RGS20: variants seen among roughly 807,000 people sequenced by gnomAD.
RGS20 encodes regulator of G protein signaling 20.
RGS20 carries 30 observed loss-of-function variants against 33.6 expected under a neutral mutation model. The ratio of observed to expected loss-of-function variants is 0.89; its 90% confidence interval spans 0.67 to 1.21. The LOEUF is 1.21. Among genes scored for constraint, RGS20 ranks in the 50% most tolerant of loss-of-function variants. RGS20 has a pLI of 0.00. For missense variants in RGS20, 472 were observed against 502.4 expected, an observed-to-expected ratio of 0.94 and a Z score of 0.58; for synonymous variants, 208 against 197.9, an observed-to-expected ratio of 1.05 and a Z score of -0.43.
chr8:53,900,951 C>T (rs567933974), intron 2 of RGS20, among the ~76,000 whole-genome samples: 2 of 152,232 alleles, frequency 1.3e-5, no homozygotes, highest in East Asian at 1.9e-4. Context: ...GGGCTGTTCA[C>T]GTCCTGACCT....
chr8:53,897,792 C>T (rs1812909694), intron 2 of RGS20, among the ~76,000 whole-genome samples: 2 of 152,202 alleles, frequency 1.3e-5, no homozygotes, highest in Non-Finnish European at 1.5e-5. Flanking sequence ...AGGTTAGACT[C>T]AAAGGCTCAA....
intron 5 of RGS20, among the ~76,000 whole-genome samples, chr8:53,955,296 C>T (rs1190261095): frequency 6.6e-6 from 1 of 151,818 alleles, no homozygotes; most frequent in Non-Finnish European, 1.5e-5. Context: ...CTCCATTTGA[C>T]ACTGAACACT....
At chr8:53,870,581 C>T (rs1012091068) in intron 1 of RGS20, among the ~76,000 whole-genome samples, 2 of 152,176 alleles carry the variant, frequency 1.3e-5, no homozygotes, top group Non-Finnish European at 2.9e-5. Context: ...TCATCAGCCT[C>T]ATTTGAAATT....
chr8:53,902,914 C>A (rs1813070037), intron 2 of RGS20, among the ~76,000 whole-genome samples: 1 of 152,114 alleles, frequency 6.6e-6, no homozygotes, highest in Admixed American at 6.5e-5. Context: ...TTAGTAGAGA[C>A]AGGATTTCGC....
intron 1 of RGS20, among the ~76,000 whole-genome samples, chr8:53,874,252 C>G (rs1812142614): frequency 6.6e-6 from 1 of 152,050 alleles, no homozygotes; most frequent in Non-Finnish European, 1.5e-5. Flanking sequence ...TGAAGGATAA[C>G]TTTGGCTTCG....
At chr8:53,935,800 G>C (rs537158003) in intron 2 of RGS20, among the ~76,000 whole-genome samples, 28 of 152,226 alleles carry the variant, frequency 1.8e-4, no homozygotes, top group African/African-American at 6.0e-4. Flanking sequence ...AACAAAAAAA[G>C]AAAATTTCAG....
chr8:53,919,845 CTTATATT>C (rs1187166641), intron 2 of RGS20, among the ~76,000 whole-genome samples: 2 of 151,984 alleles, frequency 1.3e-5, no homozygotes, highest in Non-Finnish European at 2.9e-5. Context: ...ACAGCATTGT[CTTATATT>C]TTATAAATAT....
chr8:53,948,180 TATA>T (rs1256395229), intron 4 of RGS20, among the ~76,000 whole-genome samples: 1 of 131,786 alleles, frequency 7.6e-6, no homozygotes, highest in East Asian at 2.1e-4. Context: ...ATATATATGA[TATA>T]GTATATATAT....
chr8:53,894,212 C>G (rs1309787653), intron 2 of RGS20, among the ~76,000 whole-genome samples: 1 of 152,092 alleles, frequency 6.6e-6, no homozygotes, highest in Non-Finnish European at 1.5e-5. Context: ...TGCTATGGTT[C>G]CCTGCGAAGA....
rs994402473 is a variant in RGS20 at position 53,953,979 on chromosome 8, A to C, written c.744-97A>C. On this transcript the variant is annotated intron_variant, in intron 4 of 5. Coordinates refer to ENST00000297313, the MANE Select transcript of RGS20 (RefSeq NM_170587.4). Reference sequence around the variant, plus strand: ...AAGGGCCTAAATGCATATATTTTTCATTCTTGGAGGAGGAAAAGATATGTT... The same window carrying C: ...AAGGGCCTAAATGCATATATTTTTCCTTCTTGGAGGAGGAAAAGATATGTT... 1.1e-5 allele frequency: 10 copies of C among 870,944 alleles called. No individual in the cohort carries two copies. In the African/African-American group the frequency reaches 1.7e-4, roughly 15 times the overall value. The allele number at this position is 870,944 out of a possible 1,614,324, so 54.0% of individuals were successfully genotyped here.
chr8:53,947,218 T>TTATACATGCTATATAAGATATAGCA (rs1176232988), intron 4 of RGS20, among the ~76,000 whole-genome samples: 3 of 141,836 alleles, frequency 2.1e-5, no homozygotes, highest in African/African-American at 8.0e-5. Flanking sequence ...TATAGCATAT[T>TTATACATGCTATATAAGATATAGCA]TATTTATACA....
intron 2 of RGS20, among the ~76,000 whole-genome samples, chr8:53,920,764 AT>A (rs527736289): frequency 4.7e-5 from 7 of 149,990 alleles, no homozygotes; most frequent in East Asian, 3.9e-4. Flanking sequence ...TTGTCAAATA[AT>A]TTTTTTTTTG....
Position 53,885,902 on chromosome 8 carries a change from G to A in RGS20, c.510+6300G>A, listed in dbSNP as rs1214348754. Among the ~76,000 whole-genome samples, 5 of 151,478 alleles carry A rather than the reference G, an allele frequency of 3.3e-5. No individual in the cohort carries two copies. The East Asian group carries it at 9.6e-4, about 29-fold the overall frequency. ...TACATGTTCTTAGACAGAAGGACAG[G>A]GCATTAAGAAGGGAGTGACTTTCTA... is the stretch of plus-strand genomic sequence containing the variant. On this transcript the variant is annotated intron_variant, in intron 2 of 5. Coordinates refer to ENST00000297313, the MANE Select transcript of RGS20 (RefSeq NM_170587.4).
chr8:53,948,295 GATATATGATACAGTATATATACATATGCT>G (rs1814593818), intron 4 of RGS20, among the ~76,000 whole-genome samples: 1 of 136,908 alleles, frequency 7.3e-6, no homozygotes, highest in Non-Finnish European at 1.5e-5. Context: ...TTATATATAC[GATATATGATACAGTATATATACATATGCT>G]ATATATAAGA....
At chr8:53,886,648 C>A (rs945510782) in intron 2 of RGS20, among the ~76,000 whole-genome samples, 17 of 152,180 alleles carry the variant, frequency 1.1e-4, no homozygotes, top group African/African-American at 3.9e-4. Context: ...CTGGGTTGTA[C>A]GATGTGCACC....
chr8:53,857,851 C>A (rs1395754658), intron 1 of RGS20, among the ~76,000 whole-genome samples: 1 of 151,924 alleles, frequency 6.6e-6, no homozygotes, highest in African/African-American at 2.4e-5. Context: ...AGCTTGTAAT[C>A]ATGTATATTT....
intron 1 of RGS20, among the ~76,000 whole-genome samples, chr8:53,874,404 G>GCA (rs1563349575): frequency 7.6e-6 from 1 of 130,948 alleles, no homozygotes; most frequent in African/African-American, 3.2e-5. Context: ...GTGTGTGTGC[G>GCA]CGCGCGTGTG....
chr8:53,941,162 C>T (rs928744115), intron 3 of RGS20, among the ~76,000 whole-genome samples: 2 of 152,192 alleles, frequency 1.3e-5, no homozygotes, highest in Non-Finnish European at 2.9e-5. Context: ...CCAGAGCAGG[C>T]TCCTCCTACA....
At chr8:53,865,897 G>A (rs1811908078) in intron 1 of RGS20, among the ~76,000 whole-genome samples, 1 of 152,170 alleles carries the variant, frequency 6.6e-6, no homozygotes, top group Non-Finnish European at 1.5e-5. Flanking sequence ...ATGAACCATT[G>A]TGCCTGGCCA....
Sources: allele counts gnomAD v4.1 joint callset (sites outside exome capture counted in the v4.1 genomes callset), GRCh38; gene constraint gnomAD v4.1.1; transcripts MANE v1.5; gene names NCBI Gene and HGNC (gene_info 2026-07-23, HGNC 2026-07-21).